R3HDM1: variants seen among roughly 807,000 people sequenced by gnomAD.
R3HDM1 encodes the protein R3H domain-containing protein 1.
R3HDM1 carries 46 observed loss-of-function variants against 141.1 expected under a neutral mutation model. The observed-to-expected ratio is 0.33, with a 90% CI of 0.26 to 0.42. The LOEUF (loss-of-function observed/expected upper bound fraction) is 0.42, where lower values mean the gene tolerates loss of function less well. Ranked by LOEUF, R3HDM1 falls within the 10% of genes least tolerant of loss-of-function variation. R3HDM1 has a pLI of 1.00. For missense variants in R3HDM1, 1,184 were observed against 1,368.3 expected, an observed-to-expected ratio of 0.87 and a Z score of 2.12; for synonymous variants, 435 against 472.9, an observed-to-expected ratio of 0.92 and a Z score of 1.04.
At chr2:135,611,674 T>C (rs972378631) in intron 3 of R3HDM1, among the ~76,000 whole-genome samples, 4 of 152,232 alleles carry the variant, frequency 2.6e-5, no homozygotes, top group Admixed American at 1.3e-4. Flanking sequence ...TTTATTAATA[T>C]TGAATGAGTT....
chr2:135,684,988 T>TC (rs1164467479), intron 21 of R3HDM1, among the ~76,000 whole-genome samples: 2 of 152,082 alleles, frequency 1.3e-5, no homozygotes, highest in Non-Finnish European at 2.9e-5. Flanking sequence ...GGTCTCGAAC[T>TC]CCAAGGCTCA....
At chr2:135,581,274 G>C (rs1706738453) in intron 1 of R3HDM1, 1 of 985,278 alleles carries the variant, frequency 1.0e-6, no homozygotes, top group African/African-American at 1.7e-5. Context: ...TGTCTGTCCT[G>C]TTTCCCTGTA....
At chr2:135,699,045 A>AT (rs202144929) in intron 21 of R3HDM1, among the ~76,000 whole-genome samples, 1 of 129,826 alleles carries the variant, frequency 7.7e-6, no homozygotes, top group Non-Finnish European at 1.6e-5. Context: ...ATAGATAGAT[A>AT]AGATAGATAA....
At chr2:135,706,674 C>G (rs1194348786) in intron 21 of R3HDM1, among the ~76,000 whole-genome samples, 1 of 152,152 alleles carries the variant, frequency 6.6e-6, no homozygotes, top group Non-Finnish European at 1.5e-5. Flanking sequence ...GCACATGTTT[C>G]AGAGAGCACA....
intron 21 of R3HDM1, among the ~76,000 whole-genome samples, chr2:135,708,878 G>T (rs948751586): frequency 6.8e-6 from 1 of 146,382 alleles, no homozygotes; most frequent in Non-Finnish European, 1.5e-5. Flanking sequence ...AGAATTGCTT[G>T]AAGCCTGGAG....
chr2:135,680,784 A>G (rs569994446), intron 21 of R3HDM1, among the ~76,000 whole-genome samples: 2 of 152,334 alleles, frequency 1.3e-5, no homozygotes, highest in East Asian at 3.9e-4. Flanking sequence ...AAAAATATAT[A>G]TGTATATTTC....
rs748599680 is a variant in R3HDM1, at chr2:135,636,111, C to T, written c.831C>T (p.Asp277=). Residue 277 remains aspartate, a synonymous_variant, in exon 11 of 27, where the codon GAC becomes GAT. Transcript: ENST00000683871. ...AGATGAGAATACGTTTGAAAGATGA[C>T]AGAAGAAGCAAATCTATAGAAGAAA... ...DNQMRIRLKD[D]RRSKSIEERE... 1 of 1,612,468 alleles carries T rather than the reference C, an allele frequency of 6.2e-7. No homozygotes were observed. Among genetic ancestry groups the T allele is most frequent in the Admixed American group, 1.7e-5 (1 of 59,778 alleles).
In R3HDM1 at chr2:135,710,224, T is replaced by C. The variant is rs762121182; in HGVS notation, c.2729T>C (p.Ile910Thr). The C allele has an allele frequency of 1.1e-5, 17 of 1,613,284 alleles. No homozygotes were observed. Among genetic ancestry groups the C allele is most frequent in the Non-Finnish European group, 1.4e-5 (17 of 1,179,484 alleles). ...GTAGAATTTAGCAGTGTAGACAATA[T>C]TGTCCAGGTAAGATGGTTTTGTTCA... ...KCVEFSSVDN[I>T]VQHSPQLSSP... The change falls in exon 23 of 27, where the codon ATT becomes ACT. Residue 910 changes from isoleucine to threonine, a missense_variant. Physicochemically the swap from Ile to Thr is moderately conservative, Grantham distance 89. Around this residue, in one of 5 missense-constraint regions of R3HDM1, gnomAD observed 563 missense variants for 562.0 expected, o/e 1.00. Transcript: ENST00000683871.
At chr2:135,653,886 T>C (rs1254288289) in intron 18 of R3HDM1, among the ~76,000 whole-genome samples, 1 of 152,186 alleles carries the variant, frequency 6.6e-6, no homozygotes, top group Admixed American at 6.5e-5. Flanking sequence ...CGAGAATTTG[T>C]GTTCTAATAT....
chr2:135,703,565 A>G (rs1167568101), intron 21 of R3HDM1, among the ~76,000 whole-genome samples: 1 of 152,142 alleles, frequency 6.6e-6, no homozygotes, highest in African/African-American at 2.4e-5. Flanking sequence ...GAAAGCAACA[A>G]TCTTAGGGCA....
chr2:135,724,075 A>G lies in R3HDM1; in HGVS notation c.3188A>G (p.His1063Arg), dbSNP rs548074075. ...LRDPQSQPRR[H>R]PLCCGSGDNT... is the part of the protein sequence containing the mutation. ...GACCCCCAGTCCCAACCACGTCGTC[A>G]CCCCCTCTGCTGTGGCAGTGGGGAC... The change falls in exon 27 of 27, where the codon CAC becomes CGC. Residue 1063 changes from histidine to arginine, a missense_variant. Physicochemically the swap from His to Arg is conservative, Grantham distance 29. Coordinates refer to ENST00000683871, the MANE Select transcript of R3HDM1 (RefSeq NM_001378107.1). 10 of 1,613,910 alleles carry G rather than the reference A, an allele frequency of 6.2e-6. No individual in the cohort carries two copies. The African/African-American group carries it at 1.3e-4, about 22-fold the overall frequency.
intron 1 of R3HDM1, among the ~76,000 whole-genome samples, chr2:135,545,865 G>T (rs1698585824): frequency 6.6e-6 from 1 of 152,196 alleles, no homozygotes; most frequent in African/African-American, 2.4e-5. Context: ...AAAAGTACCT[G>T]TGTTTAGACA....
chr2:135,716,834 C>G (rs2076199653), intron 24 of R3HDM1, among the ~76,000 whole-genome samples: 1 of 152,094 alleles, frequency 6.6e-6, no homozygotes, highest in Non-Finnish European at 1.5e-5. Context: ...CACCTATAAT[C>G]CCAGCTACTC....
intron 1 of R3HDM1, chr2:135,536,781 G>A: frequency 2.2e-6 from 2 of 897,140 alleles, no homozygotes; most frequent in African/African-American, 3.6e-5. Context: ...ACAGCAGGAG[G>A]TGTGCAGTGG....
Position 135,559,594 on chromosome 2 carries a change from T to C in R3HDM1, c.-250+27961T>C, listed in dbSNP as rs117066130. ...GTATATTTATATGCCTTAATCTCTG[T>C]ATTATCAATTATTAGATACTTGGGC... On this transcript the variant is annotated intron_variant, in intron 1 of 26. Transcript: ENST00000683871. Among the ~76,000 whole-genome samples, 309 of 152,380 alleles carry C rather than the reference T, an allele frequency of 2.0e-3. 12 individuals carry two copies. In the East Asian group the frequency reaches 0.053, roughly 26 times the overall value.
chr2:135,550,721 G>A (rs1182186049), intron 1 of R3HDM1, among the ~76,000 whole-genome samples: 1 of 152,106 alleles, frequency 6.6e-6, no homozygotes, highest in Non-Finnish European at 1.5e-5. Flanking sequence ...AAAATATTGT[G>A]CCTTCTTTCT....
intron 19 of R3HDM1, among the ~76,000 whole-genome samples, 154 bp downstream of exon 19, chr2:135,661,547 G>A (rs2066714015): frequency 6.6e-6 from 1 of 152,190 alleles, no homozygotes; most frequent in Non-Finnish European, 1.5e-5. Context: ...AAAAGAGTGA[G>A]CAAATCTTAG....
chr2:135,566,793 G>A, intron 1 of R3HDM1: 1 of 984,060 alleles, frequency 1.0e-6, no homozygotes, highest in Non-Finnish European at 1.2e-6. Context: ...TGTAATCATG[G>A]TGAAACCCCG....
intron 5 of R3HDM1, among the ~76,000 whole-genome samples, chr2:135,618,797 A>T (rs1465057672): frequency 6.6e-6 from 1 of 151,998 alleles, no homozygotes; most frequent in African/African-American, 2.4e-5. Context: ...AGGCAGGTGG[A>T]TCATTTAAGG....
Sources: allele counts gnomAD v4.1 joint callset (sites outside exome capture counted in the v4.1 genomes callset), GRCh38; gene constraint gnomAD v4.1.1; regional missense constraint gnomAD v4.1.1; transcripts MANE v1.5; gene names NCBI Gene and HGNC (gene_info 2026-07-23, HGNC 2026-07-21).